VTI1A: variants seen among roughly 807,000 people sequenced by gnomAD.
VTI1A encodes the protein vesicle transport through interaction with t-SNAREs 1A.
VTI1A carries 22 observed loss-of-function variants against 34.9 expected under a neutral mutation model. The observed-to-expected ratio is 0.63, with a 90% CI of 0.45 to 0.90. The LOEUF is 0.90. Ranked by LOEUF, VTI1A falls within the 40% of genes least tolerant of loss-of-function variation. The probability of loss-of-function intolerance (pLI) is 0.00; values close to 1 mark genes in which losing one functional copy is unlikely to be tolerated. For synonymous variants in VTI1A, 87 were observed against 97.3 expected (o/e 0.89, Z 0.62); for missense variants, 268 against 275.6 (o/e 0.97, Z 0.20).
At chr10:112,845,630 G>A in the VTI1A span, among the ~76,000 whole-genome samples, 2 of 152,328 alleles carry the variant, frequency 1.3e-5, no homozygotes, top group African/African-American at 4.8e-5. Context: ...GGCTGAGCTG[G>A]AGGAAAAGCC....
At chr10:112,476,835 C>T (rs777165514) in intron 3 of VTI1A, among the ~76,000 whole-genome samples, 10 of 152,136 alleles carry the variant, frequency 6.6e-5, no homozygotes, top group Non-Finnish European at 1.0e-4. Context: ...TCATACCATT[C>T]TTATTGGCTT....
chr10:112,485,244 T>A (rs566755297), intron 3 of VTI1A: 1 of 151,042 alleles, frequency 6.6e-6, no homozygotes, highest in Non-Finnish European at 1.5e-5. Context: ...ATTGCGCCAC[T>A]GCACTCCAGC....
chr10:112,794,748 G>A (rs561754452), intron 7 of VTI1A, among the ~76,000 whole-genome samples: 1 of 151,962 alleles, frequency 6.6e-6, no homozygotes, highest in African/African-American at 2.4e-5. Context: ...TATATTATCA[G>A]CAAGAAAATT....
chr10:112,595,808 C>G (rs1403935735), intron 5 of VTI1A, among the ~76,000 whole-genome samples: 2 of 151,988 alleles, frequency 1.3e-5, no homozygotes, highest in Non-Finnish European at 2.9e-5. Flanking sequence ...CATCCCATTA[C>G]TGGGTATATA....
the VTI1A span, among the ~76,000 whole-genome samples, chr10:112,849,339 G>T: frequency 6.6e-6 from 1 of 152,196 alleles, no homozygotes; most frequent in East Asian, 1.9e-4. Flanking sequence ...TCCCGCAGTG[G>T]GGCTCTCTCT....
chr10:112,751,736 A>G (rs936746589), intron 7 of VTI1A, among the ~76,000 whole-genome samples: 1 of 152,234 alleles, frequency 6.6e-6, no homozygotes, highest in Non-Finnish European at 1.5e-5. Flanking sequence ...ACTAGAGATT[A>G]CACATTATAG....
At chr10:112,710,966 G>T (rs1268381563) in intron 7 of VTI1A, among the ~76,000 whole-genome samples, 1 of 152,184 alleles carries the variant, frequency 6.6e-6, no homozygotes, top group Non-Finnish European at 1.5e-5. Context: ...CCAATTATTA[G>T]ATTTTCATTT....
chr10:112,550,936 T>G (rs576658694), intron 5 of VTI1A, among the ~76,000 whole-genome samples: 26 of 152,242 alleles, frequency 1.7e-4, no homozygotes, highest in African/African-American at 5.8e-4. Context: ...AAGGTTGATA[T>G]TTGTGTTTAT....
chr10:112,473,309 A>G (rs1376880917), intron 3 of VTI1A, among the ~76,000 whole-genome samples: 2 of 151,896 alleles, frequency 1.3e-5, no homozygotes, highest in Admixed American at 6.6e-5. Context: ...GGGTTTCACC[A>G]TGTGGTTGGC....
At chr10:112,567,584 A>T (rs1018424073) in intron 5 of VTI1A, among the ~76,000 whole-genome samples, 3 of 152,150 alleles carry the variant, frequency 2.0e-5, no homozygotes, top group Non-Finnish European at 4.4e-5. Flanking sequence ...CCTTTTTCTC[A>T]TAGTAAATAA....
At chr10:112,529,588 A>G (rs1850355552) in intron 4 of VTI1A, among the ~76,000 whole-genome samples, 1 of 152,136 alleles carries the variant, frequency 6.6e-6, no homozygotes, top group Non-Finnish European at 1.5e-5. Flanking sequence ...CTGCCTACAA[A>G]TAAGTTTACT....
chr10:112,498,077 A>G (rs1295763105), intron 3 of VTI1A, among the ~76,000 whole-genome samples: 9 of 152,190 alleles, frequency 5.9e-5, no homozygotes, highest in East Asian at 1.9e-4. Flanking sequence ...GTTCTTTGGT[A>G]TGACCTTTCT....
the VTI1A span, chr10:112,827,399 G>A: frequency 6.6e-6 from 1 of 152,196 alleles, no homozygotes; most frequent in Non-Finnish European, 1.5e-5. Flanking sequence ...CGGGGAGATG[G>A]AGGAAAGCAG....
chr10:112,797,816 A>G (rs1199490669), intron 7 of VTI1A, among the ~76,000 whole-genome samples: 1 of 152,206 alleles, frequency 6.6e-6, no homozygotes, highest in Non-Finnish European at 1.5e-5. Flanking sequence ...AATATTTACA[A>G]AAGAAGTAAC....
At chr10:112,602,246 C>G (rs1283112102) in intron 5 of VTI1A, among the ~76,000 whole-genome samples, 1 of 152,164 alleles carries the variant, frequency 6.6e-6, no homozygotes, top group African/African-American at 2.4e-5. Context: ...TGACCTCAAC[C>G]TTGCTTGCTC....
chr10:112,472,032 G>A (rs936031863), intron 3 of VTI1A, among the ~76,000 whole-genome samples: 1 of 152,142 alleles, frequency 6.6e-6, no homozygotes, highest in Non-Finnish European at 1.5e-5. Flanking sequence ...GCTTTTTCAC[G>A]TCTCTGATAT....
intron 4 of VTI1A, among the ~76,000 whole-genome samples, chr10:112,530,767 G>T (rs1346307638): frequency 6.6e-6 from 1 of 152,090 alleles, no homozygotes; most frequent in Non-Finnish European, 1.5e-5. Context: ...AGACCAGGGG[G>T]TGAAGTCGGT....
At chr10:112,759,725 C>T (rs114337372) in intron 7 of VTI1A, among the ~76,000 whole-genome samples, 1,884 of 152,282 alleles carry the variant, frequency 0.012, 43 homozygotes, top group African/African-American at 0.043. Context: ...GCATGCTTTT[C>T]TCCTCCCACG....
intron 2 of VTI1A, among the ~76,000 whole-genome samples, chr10:112,462,049 C>T (rs1329682729): frequency 6.6e-6 from 1 of 152,180 alleles, no homozygotes; most frequent in Non-Finnish European, 1.5e-5. Flanking sequence ...AGGGTTTCAC[C>T]ATGTTAGTCA....
Sources: gnomAD v4.1 joint callset for allele counts (sites outside exome capture counted in the v4.1 genomes callset) on GRCh38, gnomAD v4.1.1 for gene constraint, MANE v1.5 for transcripts, NCBI Gene and HGNC (gene_info 2026-07-23, HGNC 2026-07-21) for gene names.